PCCA: variants seen among roughly 807,000 people sequenced by gnomAD.
PCCA encodes the protein propionyl-CoA carboxylase alpha chain, mitochondrial.
Under a neutral mutation model 101.3 loss-of-function variants are expected in PCCA, and 74 were observed. The observed-to-expected ratio is 0.73, with a 90% confidence interval of 0.61 to 0.89. The LOEUF (loss-of-function observed/expected upper bound fraction) is 0.89. Among genes scored for constraint, PCCA ranks in the 40% least tolerant of loss-of-function variants. PCCA has a pLI of 0.00. For synonymous variants in PCCA, 294 were observed against 313.6 expected, an observed-to-expected ratio of 0.94 and a Z score of 0.66; for missense variants, 891 against 907.0, an observed-to-expected ratio of 0.98 and a Z score of 0.23.
chr13:100,194,769 G>C (rs2057999784), intron 6 of PCCA, among the ~76,000 whole-genome samples: 1 of 152,080 alleles, frequency 6.6e-6, no homozygotes, highest in East Asian at 1.9e-4. Context: ...AAGATCTCTT[G>C]CCTTTCACCA....
intron 21 of PCCA, among the ~76,000 whole-genome samples, chr13:100,467,388 T>C (rs2082614604): frequency 6.6e-6 from 1 of 152,190 alleles, no homozygotes; most frequent in South Asian, 2.1e-4. Context: ...CATTCTTTTT[T>C]TGAGATGGAG....
chr13:100,193,806 G>A (rs2057901660), intron 6 of PCCA, among the ~76,000 whole-genome samples: 1 of 152,168 alleles, frequency 6.6e-6, no homozygotes, highest in Admixed American at 6.5e-5. Flanking sequence ...TAGTCCGGGT[G>A]CGGTGGCTCA....
chr13:100,504,489 C>T (rs1336071768), intron 21 of PCCA, among the ~76,000 whole-genome samples: 1 of 152,182 alleles, frequency 6.6e-6, no homozygotes, highest in African/African-American at 2.4e-5. Flanking sequence ...GTGTTGAATT[C>T]GAGACCCACC....
chr13:100,387,859 C>T (rs759914048), intron 19 of PCCA, among the ~76,000 whole-genome samples: 1 of 152,098 alleles, frequency 6.6e-6, no homozygotes, highest in South Asian at 2.1e-4. Context: ...ATGGTGTGCT[C>T]AAGGGCCAAG....
chr13:100,442,791 C>G (rs1398155204), intron 20 of PCCA, among the ~76,000 whole-genome samples: 5 of 152,296 alleles, frequency 3.3e-5, no homozygotes, highest in Non-Finnish European at 5.9e-5. Flanking sequence ...AGGAAGTCCT[C>G]TCTGAATAGC....
chr13:100,116,181 A>T (rs1484297661), intron 4 of PCCA, among the ~76,000 whole-genome samples: 1 of 152,206 alleles, frequency 6.6e-6, no homozygotes, highest in Non-Finnish European at 1.5e-5. Context: ...TGCTATTCAG[A>T]TGTATTAATT....
At chr13:100,182,666 C>T (rs1393802894) in intron 6 of PCCA, among the ~76,000 whole-genome samples, 1 of 152,144 alleles carries the variant, frequency 6.6e-6, no homozygotes, top group East Asian at 1.9e-4. Flanking sequence ...GCAAGCCTCT[C>T]TGCTTTCCAC....
At chr13:100,395,338 C>T (rs1167153423) in intron 19 of PCCA, among the ~76,000 whole-genome samples, 1 of 152,178 alleles carries the variant, frequency 6.6e-6, no homozygotes, top group Non-Finnish European at 1.5e-5. Flanking sequence ...CCATCTTATT[C>T]ACCAGACTCA....
At chr13:100,124,317 T>C (rs1471446003) in intron 4 of PCCA, among the ~76,000 whole-genome samples, 2 of 152,220 alleles carry the variant, frequency 1.3e-5, no homozygotes, top group African/African-American at 2.4e-5. Flanking sequence ...TTTTGTTGCT[T>C]TGTCTGTGTA....
chr13:100,135,184 G>T (rs1287329689), intron 4 of PCCA, among the ~76,000 whole-genome samples: 1 of 151,538 alleles, frequency 6.6e-6, no homozygotes, highest in African/African-American at 2.4e-5. Flanking sequence ...ATTGAGCCAG[G>T]AGTTTGAGAC....
At chr13:100,191,628 C>A (rs1250589432) in intron 6 of PCCA, among the ~76,000 whole-genome samples, 1 of 152,126 alleles carries the variant, frequency 6.6e-6, no homozygotes, top group Non-Finnish European at 1.5e-5. Flanking sequence ...TCCTTACTTT[C>A]TTTTATACAA....
intron 8 of PCCA, among the ~76,000 whole-genome samples, 184 bp from the exon 9 acceptor site, chr13:100,257,411 A>C (rs2062147889): frequency 6.6e-6 from 1 of 151,982 alleles, no homozygotes; most frequent in Non-Finnish European, 1.5e-5. Context: ...TCACACTCTC[A>C]TTTTTTAAAT....
chr13:100,138,757 ACT>A (rs1269033302), intron 4 of PCCA, among the ~76,000 whole-genome samples: 1 of 151,762 alleles, frequency 6.6e-6, no homozygotes, highest in Admixed American at 6.6e-5. Flanking sequence ...AGATGGTGAA[ACT>A]CTGTCTCTAC....
At chr13:100,277,221 G>C (rs1451584646) in intron 12 of PCCA, among the ~76,000 whole-genome samples, 4 of 152,098 alleles carry the variant, frequency 2.6e-5, no homozygotes, top group African/African-American at 9.7e-5. Flanking sequence ...CTAAAAGTGG[G>C]GGTAGTTTAT....
intron 6 of PCCA, among the ~76,000 whole-genome samples, chr13:100,164,220 A>T (rs1175460835): frequency 6.6e-6 from 1 of 152,232 alleles, no homozygotes; most frequent in Non-Finnish European, 1.5e-5. Flanking sequence ...AATTTGAGAC[A>T]TACACATGGG....
chr13:100,103,020 C>A, intron 2 of PCCA, 60 bp downstream of exon 2: 3 of 1,070,614 alleles, frequency 2.8e-6, no homozygotes, highest in Admixed American at 1.7e-5. Context: ...TTTACTTTCT[C>A]GTCTCCACAC....
At chr13:100,195,338 T>C (rs904679809) in intron 6 of PCCA, among the ~76,000 whole-genome samples, 4 of 152,230 alleles carry the variant, frequency 2.6e-5, no homozygotes, top group African/African-American at 9.6e-5. Context: ...ATTATTGTTA[T>C]TATTATGTAA....
intron 12 of PCCA, among the ~76,000 whole-genome samples, chr13:100,293,045 G>C (rs998563172): frequency 6.6e-6 from 1 of 151,564 alleles, no homozygotes; most frequent in Non-Finnish European, 1.5e-5. Flanking sequence ...CCTCTGTATA[G>C]TCTACAAAGT....
At chr13:100,119,243 A>T (rs1373594964) in intron 4 of PCCA, among the ~76,000 whole-genome samples, 2 of 152,266 alleles carry the variant, frequency 1.3e-5, no homozygotes, top group African/African-American at 4.8e-5. Context: ...AATTTAAAGA[A>T]TCTATCATAT....
Sources: allele counts gnomAD v4.1 joint callset (sites outside exome capture counted in the v4.1 genomes callset), GRCh38; gene constraint gnomAD v4.1.1; transcripts MANE v1.5; gene names NCBI Gene and HGNC (gene_info 2026-07-23, HGNC 2026-07-21).